GP6: variants seen among roughly 807,000 people sequenced by gnomAD.
GP6 encodes glycoprotein VI platelet, also known as platelet glycoprotein VI.
In GP6, 45 loss-of-function variants were observed where a neutral mutation model predicts 37.3. That is an observed-to-expected ratio of 1.21 (90% CI 0.95 to 1.55). The LOEUF (loss-of-function observed/expected upper bound fraction) is 1.55. Ranked by LOEUF, GP6 falls within the 40% of genes most tolerant of loss-of-function variation. The pLI is 0.00. For missense variants in GP6, 813 were observed against 760.2 expected, an observed-to-expected ratio of 1.07 and a Z score of -0.82; for synonymous variants, 340 against 316.4, an observed-to-expected ratio of 1.07 and a Z score of -0.79.
intron 1 of GP6, among the ~76,000 whole-genome samples, chr19:55,033,266 G>A (rs866058661): frequency 1.9e-3 from 138 of 72,648 alleles, no homozygotes; most frequent in Middle Eastern, 8.1e-3. Flanking sequence ...TGTTAGACAC[G>A]GTGGACTCGT....
Position 55,032,398 on chromosome 19 carries a change from T to G in GP6, c.68-2A>C. Reference sequence around the variant, plus strand: ...GGAGGGAGGGCTTGGGGAGCGGTCCTGGAAGAGGAGCAGGGCTGGGTCAGC... The same window carrying G: ...GGAGGGAGGGCTTGGGGAGCGGTCCGGGAAGAGGAGCAGGGCTGGGTCAGC... On this transcript the variant is annotated splice_acceptor_variant, in intron 2 of 7. Coordinates refer to ENST00000310373, the MANE Select transcript of GP6 (RefSeq NM_001083899.2). LOFTEE classifies it high-confidence loss of function. The G allele has an allele frequency of 6.2e-7, 1 of 1,612,622 alleles. No individual in the cohort carries two copies. Among genetic ancestry groups the G allele is most frequent in the Non-Finnish European group, 8.5e-7 (1 of 1,179,328 alleles).
chr19:55,033,728 A>G (rs945280193), intron 1 of GP6, among the ~76,000 whole-genome samples: 2 of 152,152 alleles, frequency 1.3e-5, no homozygotes, highest in African/African-American at 2.4e-5. Flanking sequence ...ATTGTATATT[A>G]TTGTATTTTA....
intron 1 of GP6, among the ~76,000 whole-genome samples, chr19:55,036,566 G>A (rs528859359): frequency 1.4e-4 from 22 of 152,120 alleles, no homozygotes; most frequent in African/African-American, 4.6e-4. Context: ...AGGCATGATG[G>A]TGTACAACTG....
intron 5 of GP6, among the ~76,000 whole-genome samples, chr19:55,024,634 TCA>T (rs1488423126): frequency 6.6e-6 from 1 of 152,126 alleles, no homozygotes; most frequent in East Asian, 1.9e-4. Context: ...ATAACACGCC[TCA>T]CACAAAACTT....
rs2288905 is a variant in GP6 at position 55,032,466 on chromosome 19, C to T, written c.67+40G>A. 0.084 allele frequency: 135,439 copies of T among 1,612,964 alleles called. 7,127 individuals are homozygous for T. The highest frequency in any genetic ancestry group is 0.22 in the East Asian group (9,910 of 44,814). ...CTGGACCCCGCTGCTCCCGCGCTGG[C>T]GGATCCCGCAGGAGGGAAGGGGTCT... On this transcript the variant is annotated intron_variant, in intron 2 of 7. Coordinates refer to ENST00000310373, the MANE Select transcript of GP6 (RefSeq NM_001083899.2).
chr19:55,025,104 A>C (rs993929079), intron 5 of GP6, 114 bp downstream of exon 5: 3 of 735,458 alleles, frequency 4.1e-6, no homozygotes, highest in Admixed American at 2.0e-5. Flanking sequence ...AAAACAAAGC[A>C]AATCTGTGAA....
chr19:55,028,110 CAA>C (rs1036470742), intron 3 of GP6, among the ~76,000 whole-genome samples: 4 of 152,232 alleles, frequency 2.6e-5, no homozygotes, highest in Non-Finnish European at 5.9e-5. Context: ...GCCCTGGAGA[CAA>C]ATCTCCCTCT....
intron 5 of GP6, among the ~76,000 whole-genome samples, chr19:55,020,490 G>T (rs2074039401): frequency 6.6e-6 from 1 of 152,058 alleles, no homozygotes; most frequent in African/African-American, 2.4e-5. Context: ...CAGTTCCTGT[G>T]TTAGTTTGCT....
chr19:55,038,082 G>A, intron 1 of GP6, 121 bp downstream of exon 1: 1 of 800,928 alleles, frequency 1.2e-6, no homozygotes, highest in South Asian at 1.4e-5. Flanking sequence ...CAAATGAAGG[G>A]GCTCTTACAG....
At chr19:55,034,648 A>G (rs779621911) in intron 1 of GP6, among the ~76,000 whole-genome samples, 7 of 152,002 alleles carry the variant, frequency 4.6e-5, no homozygotes, top group Non-Finnish European at 8.8e-5. Flanking sequence ...GAGGAAAAAA[A>G]AAGTACTAAT....
chr19:55,030,371 G>A (rs1426823250), intron 3 of GP6, among the ~76,000 whole-genome samples: 4 of 145,738 alleles, frequency 2.7e-5, no homozygotes, highest in Middle Eastern at 3.6e-3. Context: ...TTCCCAAGAC[G>A]GAGTCTTGCT....
In GP6 at chr19:55,025,645, G is replaced by T. The variant is rs745772102; in HGVS notation, c.611-374C>A. ...CACTTGAACCTAGGAGGCAGAGGTT[G>T]CAGTGATCTGAGATCGCACCACTGC... On this transcript the variant is annotated intron_variant, in intron 4 of 7. Transcript: ENST00000310373. Among the ~76,000 whole-genome samples the T allele has an allele frequency of 4.6e-5, 7 of 152,150 alleles. No homozygotes were observed. In the South Asian group the frequency reaches 6.2e-4, roughly 14 times the overall value.
chr19:55,030,678 AAAG>A (rs1175990081), intron 3 of GP6, among the ~76,000 whole-genome samples: 1 of 150,198 alleles, frequency 6.7e-6, no homozygotes, highest in African/African-American at 2.4e-5. Flanking sequence ...ATAAATAAGA[AAAG>A]AAATTAGAAT....
At chr19:55,031,049 T>G (rs1470452435) in intron 3 of GP6, among the ~76,000 whole-genome samples, 1 of 151,974 alleles carries the variant, frequency 6.6e-6, no homozygotes, top group Non-Finnish European at 1.5e-5. Flanking sequence ...GGTCTCACTA[T>G]GTTGCCCAGG....
rs1332980508 is a variant in GP6, at chr19:55,023,713, G to A, written c.664+1505C>T. Among the ~76,000 whole-genome samples the A allele has an allele frequency of 2.0e-5, 3 of 152,118 alleles. No homozygotes were observed. In the South Asian group the frequency reaches 6.2e-4, roughly 32 times the overall value. On this transcript the variant is annotated intron_variant, in intron 5 of 7. Coordinates refer to ENST00000310373, the MANE Select transcript of GP6 (RefSeq NM_001083899.2). ...GATCCAGTCTCAGATATTTATAGCA[G>A]CACAAAATCGGCCTAATATAGCATG...
At chr19:55,037,838 G>C (rs1366889080) in intron 1 of GP6, among the ~76,000 whole-genome samples, 2 of 151,778 alleles carry the variant, frequency 1.3e-5, no homozygotes, top group African/African-American at 4.8e-5. Flanking sequence ...GACCAGGCTG[G>C]TCTTGAACTC....
In GP6 at chr19:55,026,537, T is replaced by C. The variant is rs557156093; in HGVS notation, c.610+1041A>G. Reference sequence around the variant, plus strand: ...TTTTTAAGGCTGCATAATATTCCATTGCATGTATATAACCACATTATGAGG... The same window carrying C: ...TTTTTAAGGCTGCATAATATTCCATCGCATGTATATAACCACATTATGAGG... On this transcript the variant is annotated intron_variant, in intron 4 of 7. Transcript: ENST00000310373. Among the ~76,000 whole-genome samples the C allele has an allele frequency of 3.3e-5, 5 of 152,352 alleles. No individual in the cohort carries two copies. In the South Asian group the frequency reaches 8.3e-4, roughly 25 times the overall value.
intron 1 of GP6, among the ~76,000 whole-genome samples, chr19:55,035,528 C>T (rs895868458): frequency 2.6e-5 from 4 of 152,094 alleles, no homozygotes; most frequent in African/African-American, 9.7e-5. Flanking sequence ...AGCAGCCTGA[C>T]CAACATGGTG....
chr19:55,034,111 TACAC>T (rs1003652193), intron 1 of GP6, among the ~76,000 whole-genome samples: 8 of 143,774 alleles, frequency 5.6e-5, no homozygotes, highest in Admixed American at 3.5e-4. Flanking sequence ...CGTGTGTACA[TACAC>T]ACGTGTATAT....
Sources: gnomAD v4.1 joint callset for allele counts (sites outside exome capture counted in the v4.1 genomes callset) on GRCh38, gnomAD v4.1.1 for gene constraint, MANE v1.5 for transcripts, NCBI Gene and HGNC (gene_info 2026-07-23, HGNC 2026-07-21) for gene names.